RELL1: variants seen among roughly 807,000 people sequenced by gnomAD.
RELL1 encodes RELT like 1.
A neutral mutation model predicts 23.0 loss-of-function variants in RELL1; 10 were observed. The ratio of observed to expected loss-of-function variants is 0.43; its 90% CI spans 0.27 to 0.74. The LOEUF (loss-of-function observed/expected upper bound fraction) is 0.74. RELL1 is among the 30% of genes least tolerant of loss of function. The pLI is 0.19. For missense variants in RELL1, 315 were observed against 364.4 expected (o/e 0.86, Z 1.10); for synonymous variants, 146 against 146.8 (o/e 0.99, Z 0.04).
intron 6 of RELL1, among the ~76,000 whole-genome samples, chr4:37,625,142 C>T (rs147659798): frequency 4.9e-4 from 75 of 152,160 alleles, no homozygotes; most frequent in African/African-American, 1.7e-3. Flanking sequence ...CTTTTAATCA[C>T]TGAAATAAAT....
chr4:37,662,407 A>C (rs997636768), intron 1 of RELL1, among the ~76,000 whole-genome samples: 16 of 152,108 alleles, frequency 1.1e-4, no homozygotes, highest in African/African-American at 3.9e-4. Context: ...TCCAGAAAGA[A>C]AAAGGACTTT....
chr4:37,612,342 A>AAAAC lies in RELL1; in HGVS notation c.*1003_*1004insGTTT, dbSNP rs1719428594. 7.6e-6 allele frequency among the ~76,000 whole-genome samples: 1 copy of AAAAC among 131,860 alleles called. No homozygotes were observed. The highest frequency in any genetic ancestry group is 1.7e-5 in the Non-Finnish European group (1 of 59,104). 86.5% of individuals were successfully genotyped at this position (131,860 alleles called of 152,430 possible). Reference sequence around the variant, plus strand: ...AAGGTTAAAAAAAAAAAAAAAACAAAAAAAAACAAAAAACCGGGTGCAGTG... The same window carrying AAAAC: ...AAGGTTAAAAAAAAAAAAAAAACAAAAAACAAAAAACAAAAAACCGGGTGCAGTG... On this transcript the variant is annotated 3_prime_UTR_variant, in exon 7 of 7. Transcript: ENST00000454158.
At chr4:37,605,806 A>G (rs1403152715), downstream of RELL1, among the ~76,000 whole-genome samples, 1 of 108,262 alleles carries the variant, frequency 9.2e-6, no homozygotes, top group East Asian at 2.1e-4. Flanking sequence ...AAAGAAAGAA[A>G]GAAAGAAAGA....
intron 6 of RELL1, among the ~76,000 whole-genome samples, chr4:37,599,344 G>A (rs1718959278): frequency 6.6e-6 from 1 of 152,130 alleles, no homozygotes; most frequent in South Asian, 2.1e-4. Flanking sequence ...TTGGGGCTAG[G>A]CATTTTAAAG....
chr4:37,622,799 C>CTTTTTTTTTT, intron 6 of RELL1: 2 of 391,420 alleles, frequency 5.1e-6, no homozygotes, highest in African/African-American at 2.4e-5. Context: ...TCAAGTAATG[C>CTTTTTTTTTT]TTTTTTTTTT....
chr4:37,667,928 C>G (rs554625651), intron 1 of RELL1, among the ~76,000 whole-genome samples: 1 of 151,682 alleles, frequency 6.6e-6, no homozygotes, highest in Admixed American at 6.6e-5. Context: ...TTGTCATCAC[C>G]CACTTTGTCC....
chr4:37,622,799 CTTTTTTTTT>C, intron 6 of RELL1: 1 of 391,420 alleles, frequency 2.6e-6, no homozygotes, highest in South Asian at 1.8e-5. Context: ...TCAAGTAATG[CTTTTTTTTT>C]TTTTTTTTTT....
At chr4:37,604,810 G>GACACACACACAGACACAC (rs1553871520) in intron 6 of RELL1, among the ~76,000 whole-genome samples, 27,735 of 71,740 alleles carry the variant, frequency 0.39, 5,876 homozygotes, top group Non-Finnish European at 0.48. Flanking sequence ...CACACACACA[G>GACACACACACAGACACAC]ACACACACAC....
At position 37,671,040 on chromosome 4, in the gene RELL1, CAACCGGGTGTCCCACA is replaced by C. The variant is rs889406386; in HGVS notation, c.88+15144_88+15159del. 3.3e-5 allele frequency among the ~76,000 whole-genome samples: 5 copies of C among 152,254 alleles called. No individual in the cohort carries two copies. The East Asian group carries it at 7.7e-4, about 24-fold the overall frequency. ...TTTCCTAAACCCAGTTCTCCAACAC[CAACCGGGTGTCCCACA>C]ATTCAATTAAATTCTGATACCACCT... On this transcript the variant is annotated intron_variant, in intron 1 of 6. Coordinates refer to ENST00000454158, the MANE Select transcript of RELL1 (RefSeq NM_001085400.2).
intron 1 of RELL1, among the ~76,000 whole-genome samples, chr4:37,670,845 A>G (rs951652938): frequency 6.6e-6 from 1 of 152,122 alleles, no homozygotes; most frequent in Non-Finnish European, 1.5e-5. Flanking sequence ...GTGCTGGGAT[A>G]ATAGGCATGA....
intron 1 of RELL1, among the ~76,000 whole-genome samples, chr4:37,659,987 T>G (rs1369378051): frequency 6.6e-6 from 1 of 152,078 alleles, no homozygotes; most frequent in Non-Finnish European, 1.5e-5. Context: ...ACCAACAAAC[T>G]CTTGATGGGA....
At chr4:37,664,143 C>T (rs187733189) in intron 1 of RELL1, among the ~76,000 whole-genome samples, 22 of 152,150 alleles carry the variant, frequency 1.4e-4, no homozygotes, top group Admixed American at 9.8e-4. Context: ...TTTGGGAGGC[C>T]GAGGCAGGTG....
intron 1 of RELL1, among the ~76,000 whole-genome samples, chr4:37,684,816 G>T (rs1477402236): frequency 1.3e-5 from 2 of 152,192 alleles, no homozygotes; most frequent in African/African-American, 4.8e-5. Context: ...AGCCGGGCAT[G>T]GTGGCACATG....
At chr4:37,596,733 T>C (rs1430447802) in intron 6 of RELL1, among the ~76,000 whole-genome samples, 8 of 23,038 alleles carry the variant, frequency 3.5e-4, no homozygotes, top group Non-Finnish European at 7.7e-4. Context: ...TATATATATA[T>C]ATATTTTTTT....
chr4:37,638,020 A>G (rs1350806268), intron 4 of RELL1, among the ~76,000 whole-genome samples: 3 of 152,204 alleles, frequency 2.0e-5, no homozygotes, highest in Non-Finnish European at 4.4e-5. Flanking sequence ...TTCCTCAAGA[A>G]CAGACAGTTA....
chr4:37,649,394 A>T lies in RELL1; in HGVS notation c.195T>A (p.Pro65=). The T allele has an allele frequency of 6.2e-7, 1 of 1,614,250 alleles. No individual in the cohort carries two copies. The highest frequency in any genetic ancestry group is 8.5e-7 in the Non-Finnish European group (1 of 1,180,042). ...CAAAGAGACCCATGATAAAGAACAC[A>T]GGGACAAGCGCGTATGCAATATATT... ...HPEYIAYALV[P]VFFIMGLFGV... is the part of the protein sequence containing the mutation. Residue 65 remains proline, a synonymous_variant, in exon 2 of 7, where the codon CCT becomes CCA. Transcript: ENST00000454158.
intron 1 of RELL1, among the ~76,000 whole-genome samples, chr4:37,679,687 G>T (rs949177022): frequency 3.3e-5 from 5 of 152,114 alleles, no homozygotes; most frequent in Non-Finnish European, 7.3e-5. Context: ...GGGTGTGGTG[G>T]TGCATCCCTA....
At chr4:37,604,834 C>CACACAGACACACACAT (rs1560323726) in intron 6 of RELL1, among the ~76,000 whole-genome samples, 16,342 of 103,896 alleles carry the variant, frequency 0.16, 2,046 homozygotes, top group Non-Finnish European at 0.21. Context: ...CACACACATA[C>CACACAGACACACACAT]ACACAGACAC....
At chr4:37,680,120 A>G (rs957924036) in intron 1 of RELL1, among the ~76,000 whole-genome samples, 4 of 152,244 alleles carry the variant, frequency 2.6e-5, no homozygotes, top group Non-Finnish European at 4.4e-5. Flanking sequence ...AAACAAAATC[A>G]ACCTGATAGT....
Sources: allele counts gnomAD v4.1 joint callset (sites outside exome capture counted in the v4.1 genomes callset), GRCh38; gene constraint gnomAD v4.1.1; transcripts MANE v1.5; gene names NCBI Gene and HGNC (gene_info 2026-07-23, HGNC 2026-07-21).